SLC10A6: variants seen among roughly 807,000 people sequenced by gnomAD.
SLC10A6 encodes sodium-dependent organic anion transporter.
A neutral mutation model predicts 30.0 loss-of-function variants in SLC10A6; 27 were observed. The observed-to-expected ratio is 0.90, with a 90% CI of 0.66 to 1.24. The LOEUF (loss-of-function observed/expected upper bound fraction) is 1.24, where lower values mean the gene tolerates loss of function less well. Among genes scored for constraint, SLC10A6 ranks in the 50% most tolerant of loss-of-function variants. SLC10A6 has a pLI of 0.00. For synonymous variants in SLC10A6, 166 were observed against 173.8 expected (o/e 0.95, Z 0.36); for missense variants, 439 against 457.0 (o/e 0.96, Z 0.36).
chr4:86,836,149 G>C (rs1746181254), intron 1 of SLC10A6, among the ~76,000 whole-genome samples: 1 of 152,182 alleles, frequency 6.6e-6, no homozygotes, highest in Non-Finnish European at 1.5e-5. Flanking sequence ...AACAAATCCA[G>C]AATGATTTCT....
intron 1 of SLC10A6, among the ~76,000 whole-genome samples, chr4:86,835,482 C>G (rs777455939): frequency 1.3e-5 from 2 of 152,162 alleles, no homozygotes; most frequent in Non-Finnish European, 2.9e-5. Flanking sequence ...GCCTGGCCAA[C>G]ATGGTGAAAC....
chr4:86,840,798 C>G (rs149418657), intron 1 of SLC10A6, among the ~76,000 whole-genome samples: 1 of 152,254 alleles, frequency 6.6e-6, no homozygotes, highest in East Asian at 1.9e-4. Context: ...TTACAGTGTT[C>G]TCATATATGG....
intron 2 of SLC10A6, 91 bp downstream of exon 2, chr4:86,833,215 T>C: frequency 9.7e-7 from 1 of 1,026,892 alleles, no homozygotes; most frequent in African/African-American, 1.6e-5. Context: ...ACCAAAAAAA[T>C]CCCTGCATAA....
At chr4:86,848,290 T>G (rs768718025) in intron 1 of SLC10A6, among the ~76,000 whole-genome samples, 2 of 152,194 alleles carry the variant, frequency 1.3e-5, no homozygotes, top group Non-Finnish European at 2.9e-5. Context: ...TTTCCTAAAG[T>G]AGGTGCTCAG....
chr4:86,845,112 T>C (rs1746370810), intron 1 of SLC10A6, among the ~76,000 whole-genome samples: 1 of 152,052 alleles, frequency 6.6e-6, no homozygotes, highest in African/African-American at 2.4e-5. Flanking sequence ...AACCCCAAAA[T>C]ATGTAAAAGA....
intron 1 of SLC10A6, among the ~76,000 whole-genome samples, chr4:86,846,692 C>CTCCA (rs1269777275): frequency 2.0e-5 from 3 of 152,178 alleles, no homozygotes; most frequent in Admixed American, 2.0e-4. Flanking sequence ...CACCATTGCA[C>CTCCA]TCCAGCCTGG....
At chr4:86,828,465 A>G (rs1746032117) in intron 3 of SLC10A6, among the ~76,000 whole-genome samples, 1 of 152,010 alleles carries the variant, frequency 6.6e-6, no homozygotes. Flanking sequence ...GTAGAGTTCT[A>G]TTGTGGGTAG....
chr4:86,832,006 T>G, intron 2 of SLC10A6, 126 bp from the exon 3 acceptor site: 1 of 749,128 alleles, frequency 1.3e-6, no homozygotes, highest in South Asian at 1.7e-5. Context: ...ACTTCCCAAG[T>G]CTGGATAAAT....
intron 4 of SLC10A6, among the ~76,000 whole-genome samples, chr4:86,826,813 G>A (rs1159919713): frequency 6.6e-6 from 1 of 152,228 alleles, no homozygotes; most frequent in East Asian, 1.9e-4. Context: ...GTTTATAAAG[G>A]GAGCCTGCAG....
intron 2 of SLC10A6, among the ~76,000 whole-genome samples, 170 bp from the exon 3 acceptor site, chr4:86,832,050 G>A (rs1226528695): frequency 6.6e-6 from 1 of 152,156 alleles, no homozygotes; most frequent in Non-Finnish European, 1.5e-5. Flanking sequence ...TATATAAGCT[G>A]CTCATAACAT....
At chr4:86,826,598 T>C (rs1172085612) in intron 4 of SLC10A6, among the ~76,000 whole-genome samples, 2 of 151,810 alleles carry the variant, frequency 1.3e-5, no homozygotes, top group Non-Finnish European at 2.9e-5. Context: ...ACAAAAACCC[T>C]GAATAAAGAC....
chr4:86,834,974 A>T (rs1397375718), intron 1 of SLC10A6, among the ~76,000 whole-genome samples: 1 of 152,174 alleles, frequency 6.6e-6, no homozygotes, highest in Non-Finnish European at 1.5e-5. Flanking sequence ...ACTTATCACC[A>T]AGGAGATGGC....
At chr4:86,830,930 G>A (rs1038222288) in intron 3 of SLC10A6, among the ~76,000 whole-genome samples, 2 of 152,138 alleles carry the variant, frequency 1.3e-5, no homozygotes, top group Non-Finnish European at 2.9e-5. Context: ...CACCCTAGGA[G>A]ACTCACACCA....
chr4:86,825,313 G>T, intron 5 of SLC10A6, 107 bp downstream of exon 5: 2 of 1,037,074 alleles, frequency 1.9e-6, no homozygotes, highest in Non-Finnish European at 2.8e-6. Flanking sequence ...CTTTCAAAAA[G>T]TGTATCACAG....
intron 2 of SLC10A6, among the ~76,000 whole-genome samples, chr4:86,832,997 G>A (rs1183496865): frequency 6.6e-6 from 1 of 151,938 alleles, no homozygotes; most frequent in Non-Finnish European, 1.5e-5. Context: ...AAATTATCTG[G>A]CTTTCTTTTT....
intron 4 of SLC10A6, 102 bp downstream of exon 4, chr4:86,827,891 G>T: frequency 8.9e-7 from 1 of 1,121,158 alleles, no homozygotes; most frequent in Non-Finnish European, 1.3e-6. Flanking sequence ...CACTATGTAA[G>T]TCAAAACTCT....
intron 1 of SLC10A6, among the ~76,000 whole-genome samples, chr4:86,848,108 G>T (rs1331952055): frequency 6.6e-6 from 1 of 152,186 alleles, no homozygotes; most frequent in Non-Finnish European, 1.5e-5. Flanking sequence ...GAAGGAATGC[G>T]AATCTAGTGA....
Position 86,848,881 on chromosome 4 carries a change from T to A in SLC10A6, c.235A>T (p.Met79Leu). ...GCCAGGAGATAAGCTGTAAAAGGCA[T>A]GAGCCCAAACTGGCAGAGCAGTCCC... The part of the protein sequence containing the change: ...AVGLLCQFGL[M>L]PFTAYLLAIS... The change falls in exon 1 of 6, where the codon ATG becomes TTG. Residue 79 changes from methionine to leucine, a missense_variant. By Grantham distance (15) the Met-to-Leu change is conservative. Transcript: ENST00000273905. 3 of 1,614,240 alleles carry A rather than the reference T, an allele frequency of 1.9e-6. No homozygotes were observed. The highest frequency in any genetic ancestry group is 2.5e-6 in the Non-Finnish European group (3 of 1,180,038).
intron 1 of SLC10A6, among the ~76,000 whole-genome samples, chr4:86,834,425 G>C (rs1007498813): frequency 1.3e-5 from 2 of 152,048 alleles, no homozygotes; most frequent in Non-Finnish European, 2.9e-5. Context: ...CTAAGACAAG[G>C]TTTATCCATG....
Sources: gnomAD v4.1 joint callset for allele counts (sites outside exome capture counted in the v4.1 genomes callset) on GRCh38, gnomAD v4.1.1 for gene constraint, MANE v1.5 for transcripts, NCBI Gene and HGNC (gene_info 2026-07-23, HGNC 2026-07-21) for gene names.